Variants in SLC1A2 observed in about 807,000 individuals in gnomAD.
The protein encoded by SLC1A2 is excitatory amino acid transporter 2.
Under a neutral mutation model 48.8 loss-of-function variants are expected in SLC1A2, and 15 were observed. The ratio of observed to expected loss-of-function variants is 0.31; its 90% CI spans 0.21 to 0.47. The LOEUF (loss-of-function observed/expected upper bound fraction) is 0.47. Among genes scored for constraint, SLC1A2 ranks in the 20% least tolerant of loss-of-function variants. SLC1A2 has a pLI of 0.99. For missense variants in SLC1A2, 502 were observed against 730.5 expected (o/e 0.69, Z 3.61); for synonymous variants, 279 against 272.6 (o/e 1.02, Z -0.23).
intron 1 of SLC1A2, among the ~76,000 whole-genome samples, chr11:35,365,483 C>G (rs957445378): frequency 6.6e-6 from 1 of 152,080 alleles, no homozygotes; most frequent in Non-Finnish European, 1.5e-5. Flanking sequence ...CCTAGGAACC[C>G]AAACCAACAC....
At chr11:35,314,006 C>G (rs1591462192) in intron 3 of SLC1A2, among the ~76,000 whole-genome samples, 1 of 152,314 alleles carries the variant, frequency 6.6e-6, no homozygotes, top group Admixed American at 6.5e-5. Flanking sequence ...GCTTCCTGCC[C>G]TTAACTCAGA....
intron 1 of SLC1A2, among the ~76,000 whole-genome samples, chr11:35,357,259 A>AG (rs1853510335): frequency 6.7e-6 from 1 of 150,354 alleles, no homozygotes; most frequent in Non-Finnish European, 1.5e-5. Context: ...TCTATATCAA[A>AG]AAAAAAAAAA....
chr11:35,403,036 A>T (rs1855181188), intron 1 of SLC1A2, among the ~76,000 whole-genome samples: 1 of 152,304 alleles, frequency 6.6e-6, no homozygotes, highest in South Asian at 2.1e-4. Flanking sequence ...CTGATGGATA[A>T]CCCCATCTAA....
Position 35,254,493 on chromosome 11 carries a change from A to G in SLC1A2, c.*6401T>C. ...GGGAGAAACCTCAGAGATGTGCTGG[A>G]CCAACTTCCTTGGCTAGTGTGTGTA... On this transcript the variant is annotated 3_prime_UTR_variant, in exon 11 of 11. Coordinates refer to ENST00000278379, the MANE Select transcript of SLC1A2 (RefSeq NM_004171.4). 4.0e-6 allele frequency: 1 copy of G among 249,050 alleles called. No individual in the cohort carries two copies. The highest frequency in any genetic ancestry group is 8.0e-6 in the Non-Finnish European group (1 of 124,752). The allele number at this position is 249,050 out of a possible 1,614,324, so 15.4% of individuals were successfully genotyped here.
intron 1 of SLC1A2, among the ~76,000 whole-genome samples, chr11:35,379,245 T>C (rs114149747): frequency 0.014 from 2,075 of 151,974 alleles, 39 homozygotes; most frequent in African/African-American, 0.048. Flanking sequence ...AAAAGAAAAA[T>C]TGTGACACAG....
chr11:35,328,949 AG>A (rs1852336333), intron 1 of SLC1A2, among the ~76,000 whole-genome samples: 2 of 152,238 alleles, frequency 1.3e-5, no homozygotes, highest in Non-Finnish European at 2.9e-5. Context: ...AACACTGCAC[AG>A]GGATATTTAT....
intron 9 of SLC1A2, among the ~76,000 whole-genome samples, chr11:35,278,925 C>T (rs562142307): frequency 7.9e-5 from 12 of 152,078 alleles, no homozygotes; most frequent in East Asian, 1.9e-4. Context: ...AGGCTGAGGC[C>T]GGAGAAATGC....
Position 35,259,010 on chromosome 11 carries a change from GA to G in SLC1A2, c.*1883del, listed in dbSNP as rs1950354217. 1 of 146,204 alleles carries G rather than the reference GA, an allele frequency of 6.8e-6. No individual in the cohort carries two copies. The highest frequency in any genetic ancestry group is 2.8e-5 in the African/African-American group (1 of 36,354). 9.1% of individuals were successfully genotyped at this position (146,204 alleles called of 1,614,324 possible). A position where few individuals can be genotyped will look rare whatever the true frequency, so the allele number is the denominator to read the frequency against. On this transcript the variant is annotated 3_prime_UTR_variant, in exon 11 of 11. Transcript: ENST00000278379. ...CTTAATCATATCCCTTGACCACCCT[GA>G]CCCTGTTTACTGCCCATCTACTGGA...
intron 1 of SLC1A2, among the ~76,000 whole-genome samples, chr11:35,396,676 T>G (rs1436105474): frequency 2.0e-5 from 3 of 152,146 alleles, no homozygotes; most frequent in East Asian, 1.9e-4. Flanking sequence ...AAGCTCTTTA[T>G]TTTAATTAGA....
At chr11:35,400,844 C>A (rs1590277389) in intron 1 of SLC1A2, among the ~76,000 whole-genome samples, 2 of 152,108 alleles carry the variant, frequency 1.3e-5, no homozygotes, top group Admixed American at 6.5e-5. Context: ...GTGACATAAC[C>A]CCAGGAGATC....
intron 1 of SLC1A2, among the ~76,000 whole-genome samples, chr11:35,388,561 AT>A (rs939781937): frequency 1.7e-4 from 26 of 151,980 alleles, no homozygotes; most frequent in Non-Finnish European, 3.2e-4. Context: ...GCCTGTTTAA[AT>A]TTTTGTATTT....
At chr11:35,394,590 C>G (rs967953235) in intron 1 of SLC1A2, among the ~76,000 whole-genome samples, 1 of 152,202 alleles carries the variant, frequency 6.6e-6, no homozygotes, top group African/African-American at 2.4e-5. Flanking sequence ...CTAGAGAATT[C>G]ACTCCATTGT....
chr11:35,308,706 T>C (rs1851591416), intron 4 of SLC1A2, among the ~76,000 whole-genome samples: 1 of 152,164 alleles, frequency 6.6e-6, no homozygotes, highest in Non-Finnish European at 1.5e-5. Flanking sequence ...TTATCAATAT[T>C]GTTATAATGG....
intron 6 of SLC1A2, among the ~76,000 whole-genome samples, chr11:35,293,692 T>C (rs1851080472): frequency 6.6e-6 from 1 of 152,184 alleles, no homozygotes; most frequent in African/African-American, 2.4e-5. Context: ...AGTCCCTAGA[T>C]AAGGCTTCCA....
chr11:35,378,621 G>A (rs1198177022), intron 1 of SLC1A2, among the ~76,000 whole-genome samples: 1 of 152,190 alleles, frequency 6.6e-6, no homozygotes. Context: ...AAGAAGGACA[G>A]GGTGAAAAAA....
intron 4 of SLC1A2, chr11:35,307,255 G>A (rs555696862): frequency 6.6e-6 from 1 of 152,338 alleles, no homozygotes; most frequent in African/African-American, 2.4e-5. Context: ...TGGGCACCAA[G>A]AGTGCCAGCT....
chr11:35,376,470 G>A (rs1474691505), intron 1 of SLC1A2, among the ~76,000 whole-genome samples: 3 of 152,184 alleles, frequency 2.0e-5, no homozygotes, highest in Non-Finnish European at 4.4e-5. Flanking sequence ...GGAGGAGAAT[G>A]TGGGAACTCT....
chr11:35,390,967 T>G (rs1182064274), intron 1 of SLC1A2: 1 of 152,156 alleles, frequency 6.6e-6, no homozygotes, highest in Non-Finnish European at 1.5e-5. Flanking sequence ...CGCCCGGGCA[T>G]AAAATCTATT....
chr11:35,290,199 A>T lies in SLC1A2; in HGVS notation c.1091+2088T>A, dbSNP rs1487036625. Reference sequence around the variant, plus strand: ...AAACTGTCAATGTGCATACCATTTGACTCTGAAATTCCACTTATCCTGAGG... The same window carrying T: ...AAACTGTCAATGTGCATACCATTTGTCTCTGAAATTCCACTTATCCTGAGG... On this transcript the variant is annotated intron_variant, in intron 7 of 10. Coordinates refer to ENST00000278379, the MANE Select transcript of SLC1A2 (RefSeq NM_004171.4). Among the ~76,000 whole-genome samples the T allele has an allele frequency of 2.6e-5, 4 of 152,180 alleles. No individual in the cohort carries two copies. The East Asian group carries it at 7.7e-4, about 29-fold the overall frequency.
Sources: gnomAD v4.1 joint callset for allele counts (sites outside exome capture counted in the v4.1 genomes callset) on GRCh38, gnomAD v4.1.1 for gene constraint, MANE v1.5 for transcripts, NCBI Gene and HGNC (gene_info 2026-07-23, HGNC 2026-07-21) for gene names.